DCC: variants seen among roughly 807,000 people sequenced by gnomAD.
The protein encoded by DCC is netrin receptor DCC.
A neutral mutation model predicts 172.5 loss-of-function variants in DCC; 58 were observed. That is an observed-to-expected ratio of 0.34 (90% CI 0.27 to 0.42). DCC has a LOEUF of 0.42. Among genes scored for constraint, DCC ranks in the 10% least tolerant of loss-of-function variants. The pLI, the probability that DCC is intolerant of heterozygous loss-of-function variation, is 1.00. For synonymous variants in DCC, 709 were observed against 644.5 expected (o/e 1.10, Z -1.52); for missense variants, 1,740 against 1,791.0 (o/e 0.97, Z 0.51).
rs994671767 is a variant in DCC, at chr18:53,088,083, C to T, written c.1261+21917C>T. ...TTGGCTTAGGATTGACTTAGCGATG[C>T]GGGCTCTTTTTTGGTTCCATATGAA... On this transcript the variant is annotated intron_variant, in intron 7 of 28. Coordinates refer to ENST00000442544, the MANE Select transcript of DCC (RefSeq NM_005215.4). 5.3e-5 allele frequency among the ~76,000 whole-genome samples: 8 copies of T among 152,204 alleles called. No homozygotes were observed. The East Asian group carries it at 5.8e-4, about 11-fold the overall frequency.
chr18:53,421,977 G>C (rs1910665620), intron 21 of DCC, among the ~76,000 whole-genome samples: 1 of 152,130 alleles, frequency 6.6e-6, no homozygotes, highest in African/African-American at 2.4e-5. Context: ...GTTAAAACTT[G>C]CCCAAACACT....
chr18:53,123,966 G>A (rs1349654907), intron 7 of DCC, among the ~76,000 whole-genome samples: 1 of 151,990 alleles, frequency 6.6e-6, no homozygotes, highest in Non-Finnish European at 1.5e-5. Context: ...ATCAGATGAT[G>A]GGCTCTCAGC....
intron 2 of DCC, among the ~76,000 whole-genome samples, chr18:52,903,814 A>T (rs905286834): frequency 4.6e-5 from 7 of 152,238 alleles, no homozygotes; most frequent in African/African-American, 1.7e-4. Flanking sequence ...TGGTAGACAC[A>T]GATCATGCTC....
chr18:52,990,190 T>G (rs999024367), intron 5 of DCC, among the ~76,000 whole-genome samples: 13 of 152,170 alleles, frequency 8.5e-5, no homozygotes, highest in Non-Finnish European at 1.5e-4. Flanking sequence ...AGCAGTGATC[T>G]TTTCTCAATA....
At chr18:52,791,456 C>T (rs887043774) in intron 2 of DCC, among the ~76,000 whole-genome samples, 2 of 150,988 alleles carry the variant, frequency 1.3e-5, no homozygotes, top group Non-Finnish European at 3.0e-5. Context: ...GTTCCCCCTG[C>T]TGTTTTTTGT....
intron 2 of DCC, among the ~76,000 whole-genome samples, chr18:52,803,399 A>G (rs990196221): frequency 1.3e-5 from 2 of 152,148 alleles, no homozygotes; most frequent in Non-Finnish European, 2.9e-5. Context: ...ACAGTAGTAC[A>G]ATGTGTACTA....
intron 1 of DCC, among the ~76,000 whole-genome samples, chr18:52,364,597 G>T (rs1358311059): frequency 2.6e-5 from 4 of 152,182 alleles, no homozygotes; most frequent in African/African-American, 9.7e-5. Flanking sequence ...TTCCTCCGAA[G>T]ATCCTCTAGC....
In DCC at chr18:53,354,897, T is replaced by C. The variant is rs2057859492; in HGVS notation, c.2359+14990T>C. 2.6e-5 allele frequency among the ~76,000 whole-genome samples: 4 copies of C among 151,764 alleles called. No homozygotes were observed. The South Asian group carries it at 8.3e-4, about 32-fold the overall frequency. ...TTGCCTAGGTTTTCTTCTAGGTTTT[T>C]ATGGTTTTAGGTCTAATATTTAAGT... On this transcript the variant is annotated intron_variant, in intron 15 of 28. Transcript: ENST00000442544.
chr18:53,196,666 T>C (rs1225153077), intron 9 of DCC, among the ~76,000 whole-genome samples: 1 of 152,122 alleles, frequency 6.6e-6, no homozygotes, highest in African/African-American at 2.4e-5. Flanking sequence ...ATTACATCCA[T>C]CATCTATATC....
chr18:52,703,653 C>G (rs2036160884), intron 1 of DCC, among the ~76,000 whole-genome samples: 1 of 152,086 alleles, frequency 6.6e-6, no homozygotes, highest in Non-Finnish European at 1.5e-5. Flanking sequence ...GTTTGAGCAC[C>G]TTAATTTCAC....
At chr18:53,423,597 T>A (rs1761781512) in intron 21 of DCC, among the ~76,000 whole-genome samples, 1 of 152,200 alleles carries the variant, frequency 6.6e-6, no homozygotes, top group Non-Finnish European at 1.5e-5. Flanking sequence ...TCTTTGAGAC[T>A]CCCTTCTCAA....
chr18:53,048,962 G>A (rs2042297018), intron 5 of DCC, among the ~76,000 whole-genome samples: 1 of 151,856 alleles, frequency 6.6e-6, no homozygotes, highest in African/African-American at 2.4e-5. Flanking sequence ...TCATATTCTT[G>A]TTGACTGTAT....
intron 1 of DCC, among the ~76,000 whole-genome samples, chr18:52,382,732 T>A (rs1436637049): frequency 6.6e-6 from 1 of 152,000 alleles, no homozygotes; most frequent in Admixed American, 6.6e-5. Flanking sequence ...AGATTGATGG[T>A]GACTTTAATG....
intron 7 of DCC, among the ~76,000 whole-genome samples, chr18:53,129,698 T>C (rs1028024816): frequency 6.6e-6 from 1 of 152,166 alleles, no homozygotes; most frequent in African/African-American, 2.4e-5. Context: ...TTCAATTACA[T>C]AGGCAAGTCC....
At chr18:53,452,022 C>T (rs1433968777) in intron 23 of DCC, among the ~76,000 whole-genome samples, 1 of 152,212 alleles carries the variant, frequency 6.6e-6, no homozygotes, top group African/African-American at 2.4e-5. Flanking sequence ...CTAGAGTGAG[C>T]TTAGCTGGGC....
chr18:53,412,666 A>G (rs547954536), intron 20 of DCC, among the ~76,000 whole-genome samples: 1 of 152,240 alleles, frequency 6.6e-6, no homozygotes, highest in African/African-American at 2.4e-5. Flanking sequence ...GGTAATGGGC[A>G]AGTATTTCAT....
intron 2 of DCC, among the ~76,000 whole-genome samples, chr18:52,803,423 G>A (rs1404027765): frequency 6.6e-6 from 1 of 152,102 alleles, no homozygotes; most frequent in African/African-American, 2.4e-5. Context: ...TTAATTTTAT[G>A]CATTTATTAG....
rs374673570 is a variant in DCC at position 52,564,421 on chromosome 18, C to A, written c.92-187633C>A. 2.6e-5 allele frequency among the ~76,000 whole-genome samples: 4 copies of A among 152,028 alleles called. No individual in the cohort carries two copies. The South Asian group carries it at 8.3e-4, about 32-fold the overall frequency. On this transcript the variant is annotated intron_variant, in intron 1 of 28. Transcript: ENST00000442544. The stretch of plus-strand genomic sequence containing the variant: ...TTCTTAAGCATGCACTAATAGTCAT[C>A]GTGTTTTCCTCATGTTTTCAACTGT...
chr18:52,644,853 G>A lies in DCC; in HGVS notation c.92-107201G>A, dbSNP rs973494563. ...GGAGGGAGGGAAGGAGGGAGGGAAGGAAGGAGAAAAAATAGAAAAACAATT... is the reference window on the plus strand; with the variant it reads ...GGAGGGAGGGAAGGAGGGAGGGAAGAAAGGAGAAAAAATAGAAAAACAATT... On this transcript the variant is annotated intron_variant, in intron 1 of 28. Transcript: ENST00000442544. Among the ~76,000 whole-genome samples the A allele has an allele frequency of 8.0e-5, 12 of 150,898 alleles. No homozygotes were observed. The South Asian group carries it at 2.5e-3, about 31-fold the overall frequency.
Sources: gnomAD v4.1 joint callset for allele counts (sites outside exome capture counted in the v4.1 genomes callset) on GRCh38, gnomAD v4.1.1 for gene constraint, MANE v1.5 for transcripts, NCBI Gene and HGNC (gene_info 2026-07-23, HGNC 2026-07-21) for gene names.